The following PLEK2 variants were observed in gnomAD, a reference collection of about 807,000 sequenced individuals.
The protein encoded by PLEK2 is pleckstrin-2.
Under a neutral mutation model 43.8 loss-of-function variants are expected in PLEK2, and 29 were observed. That is an observed-to-expected ratio of 0.66 (90% CI 0.49 to 0.90). PLEK2 has a LOEUF of 0.90. Among genes scored for constraint, PLEK2 ranks in the 40% least tolerant of loss-of-function variants. The pLI, the probability that PLEK2 is intolerant of heterozygous loss-of-function variation, is 0.00. For synonymous variants in PLEK2, 162 were observed against 173.2 expected, an observed-to-expected ratio of 0.94 and a Z score of 0.51; for missense variants, 398 against 448.1, an observed-to-expected ratio of 0.89 and a Z score of 1.01.
chr14:67,392,460 C>T (rs756044497), intron 5 of PLEK2, 33 bp from the exon 6 acceptor site: 8 of 1,504,806 alleles, frequency 5.3e-6, no homozygotes, highest in Non-Finnish European at 6.5e-6. Context: ...GACTCTGCTA[C>T]AGAAAAGACC....
intron 1 of PLEK2, among the ~76,000 whole-genome samples, chr14:67,400,248 T>C (rs2086038828): frequency 6.6e-6 from 1 of 152,236 alleles, no homozygotes; most frequent in Admixed American, 6.5e-5. Context: ...AAGAGTTTAT[T>C]AACATGTCCC....
intron 4 of PLEK2, 96 bp from the exon 5 acceptor site, chr14:67,392,945 C>A: frequency 9.3e-7 from 1 of 1,078,952 alleles, no homozygotes; most frequent in South Asian, 1.5e-5. Context: ...CTCTGGGCAG[C>A]CTCAGGGCTC....
At chr14:67,407,498 TG>T in intron 1 of PLEK2, among the ~76,000 whole-genome samples, 1 of 151,910 alleles carries the variant, frequency 6.6e-6, no homozygotes, top group Middle Eastern at 3.4e-3. Flanking sequence ...TGGAGTGCAG[TG>T]GCATGATCAT....
chr14:67,392,723 G>A lies in PLEK2; in HGVS notation c.608C>T (p.Ala203Val), dbSNP rs2085978299. The change falls in exon 5 of 9, where the codon GCC becomes GTC. Residue 203 changes from alanine (A) to valine (V), a missense_variant. Ala to Val is a moderately conservative substitution (Grantham distance 64, BLOSUM62 0). Coordinates refer to ENST00000216446, the MANE Select transcript of PLEK2 (RefSeq NM_016445.3). ...CTCGGCCAGATCCCCAGAGCGAATGGCTCCCATGCTTCGGACACCCACAGG... is the reference window on the plus strand; with the variant it reads ...CTCGGCCAGATCCCCAGAGCGAATGACTCCCATGCTTCGGACACCCACAGG... ...LRPVGVRSMG[A>V]IRSGDLAEQF... is the part of the protein sequence containing the mutation. 6.2e-7 allele frequency: 1 copy of A among 1,614,076 alleles called. No individual in the cohort carries two copies. Among genetic ancestry groups the A allele is most frequent in the South Asian group, 1.1e-5 (1 of 91,086 alleles).
At chr14:67,395,314 C>A (rs1595656817) in intron 3 of PLEK2, 88 bp downstream of exon 3, 2 of 1,172,466 alleles carry the variant, frequency 1.7e-6, no homozygotes, top group East Asian at 2.3e-5. Context: ...GTGCAGCAAG[C>A]ACAGAGCCCC....
At chr14:67,396,454 A>G (rs1188418380) in intron 2 of PLEK2, among the ~76,000 whole-genome samples, 23 of 151,664 alleles carry the variant, frequency 1.5e-4, no homozygotes, top group Admixed American at 1.5e-3. Flanking sequence ...GGCCTCTAAG[A>G]GAGTTTTCAT....
intron 1 of PLEK2, among the ~76,000 whole-genome samples, chr14:67,405,605 C>A (rs2086073330): frequency 6.6e-6 from 1 of 152,176 alleles, no homozygotes; most frequent in African/African-American, 2.4e-5. Context: ...GTCTGTATGG[C>A]AATATGGCAG....
At position 67,387,462 on chromosome 14, in the gene PLEK2, C is replaced by CAAAAAAAA; in HGVS notation, c.935-7_935-6insTTTTTTTT. On this transcript the variant is annotated splice_polypyrimidine_tract_variant and splice_region_variant and intron_variant, in intron 8 of 8. Transcript: ENST00000216446. ...CTGGACATTCCCTTTAACCCCTAGG[C>CAAAAAAAA]AGAAAAAAGGGGGAAAAAAATCAGT... is the stretch of plus-strand genomic sequence containing the variant. The CAAAAAAAA allele has an allele frequency of 6.3e-7, 1 of 1,595,658 alleles. No individual in the cohort carries two copies. Among genetic ancestry groups the CAAAAAAAA allele is most frequent in the Non-Finnish European group, 8.5e-7 (1 of 1,173,724 alleles).
At chr14:67,410,607 C>T (rs954103164) in intron 1 of PLEK2, among the ~76,000 whole-genome samples, 11 of 152,290 alleles carry the variant, frequency 7.2e-5, no homozygotes, top group South Asian at 2.1e-4. Context: ...AAACAGCCAC[C>T]GCTCTCCTGT....
rs773753447 is a variant in PLEK2, at chr14:67,397,745, G to A, written c.124C>T (p.Arg42Trp). The change falls in exon 2 of 9, where the codon CGG (arginine) becomes TGG (tryptophan). Residue 42 changes from arginine to tryptophan, a missense_variant. Arg to Trp is a moderately radical substitution (Grantham distance 101). Coordinates refer to ENST00000216446, the MANE Select transcript of PLEK2 (RefSeq NM_016445.3). ...CGGCCCTTGGGAGGGGTCACTCTCC[G>A]ACCCCCCTCAAGCTTGTAGTACACC... ...TLVYYKLEGG[R>W]RVTPPKGRIL... The A allele has an allele frequency of 1.9e-5, 30 of 1,612,954 alleles. No homozygotes were observed. Among genetic ancestry groups the A allele is most frequent in the Non-Finnish European group, 2.3e-5 (27 of 1,179,418 alleles).
intron 7 of PLEK2, 78 bp from the exon 8 acceptor site, chr14:67,388,380 C>A: frequency 1.2e-6 from 1 of 864,442 alleles, no homozygotes; most frequent in Non-Finnish European, 2.0e-6. Flanking sequence ...ACAACTCAGG[C>A]CAGCTAAAGA....
intron 7 of PLEK2, 50 bp from the exon 8 acceptor site, chr14:67,388,352 A>C (rs780221216): frequency 1.8e-6 from 2 of 1,132,510 alleles, no homozygotes; most frequent in Non-Finnish European, 2.7e-6. Flanking sequence ...AACAAAAGGG[A>C]AGAGTTGCAC....
At chr14:67,390,811 T>C (rs1300605998) in intron 6 of PLEK2, 65 bp from the exon 7 acceptor site, 4 of 1,110,450 alleles carry the variant, frequency 3.6e-6, no homozygotes, top group Non-Finnish European at 5.6e-6. Context: ...CCTGTATCTA[T>C]GCATGTAATG....
intron 7 of PLEK2, among the ~76,000 whole-genome samples, chr14:67,389,709 G>C (rs1455583893): frequency 6.6e-6 from 1 of 151,540 alleles, no homozygotes; most frequent in Non-Finnish European, 1.5e-5. Flanking sequence ...CTCATCAGGG[G>C]CACAAAGAAA....
chr14:67,395,664 G>A (rs2086003254), intron 2 of PLEK2, 81 bp from the exon 3 acceptor site: 1 of 1,148,574 alleles, frequency 8.7e-7, no homozygotes, highest in Middle Eastern at 2.6e-4. Flanking sequence ...GGGGCCCCGG[G>A]AGAATCTAGG....
Position 67,412,069 on chromosome 14 carries a change from C to T in PLEK2, c.-10G>A, listed in dbSNP as rs776561150. On this transcript the variant is annotated 5_prime_UTR_variant, in exon 1 of 9. Coordinates refer to ENST00000216446, the MANE Select transcript of PLEK2 (RefSeq NM_016445.3). Reference sequence around the variant, plus strand: ...GCACGCCGTCCTCCATGTCGCCGCCCGCACGCCAGGGCCACCCCAGGTGCG... The same window carrying T: ...GCACGCCGTCCTCCATGTCGCCGCCTGCACGCCAGGGCCACCCCAGGTGCG... 4 of 1,543,822 alleles carry T rather than the reference C, an allele frequency of 2.6e-6. No individual in the cohort carries two copies. The highest frequency in any genetic ancestry group is 3.5e-6 in the Non-Finnish European group (4 of 1,148,574).
rs753595256 is a variant in PLEK2, at chr14:67,397,704, G to A, written c.165C>T (p.Gly55=). The A allele has an allele frequency of 6.2e-7, 1 of 1,613,460 alleles. No homozygotes were observed. Among genetic ancestry groups the A allele is most frequent in the Non-Finnish European group, 8.5e-7 (1 of 1,179,702 alleles). Residue 55 remains glycine (G), a synonymous_variant, in exon 2 of 9, where the codon GGC becomes GGT. Coordinates refer to ENST00000216446, the MANE Select transcript of PLEK2 (RefSeq NM_016445.3). ...TPPKGRILLD[G]CTITCPCLEY... ...CCAGGCAGGGGCAGGTGATGGTGCA[G>A]CCATCCAGGAGGATCCGGCCCTTGG... is the stretch of plus-strand genomic sequence containing the variant.
At chr14:67,406,524 G>T (rs1434516195) in intron 1 of PLEK2, among the ~76,000 whole-genome samples, 1 of 152,134 alleles carries the variant, frequency 6.6e-6, no homozygotes, top group African/African-American at 2.4e-5. Context: ...CATAGGGGAG[G>T]TGATGGGGAC....
At chr14:67,402,449 T>C (rs2086054893) in intron 1 of PLEK2, among the ~76,000 whole-genome samples, 1 of 152,226 alleles carries the variant, frequency 6.6e-6, no homozygotes, top group African/African-American at 2.4e-5. Context: ...CTTTTGGTTA[T>C]TTTTAAACGT....
Sources: allele counts gnomAD v4.1 joint callset (sites outside exome capture counted in the v4.1 genomes callset), GRCh38; gene constraint gnomAD v4.1.1; transcripts MANE v1.5; gene names NCBI Gene and HGNC (gene_info 2026-07-23, HGNC 2026-07-21).